Variants in LRP1B observed in about 807,000 individuals in gnomAD.
LRP1B encodes the protein low-density lipoprotein receptor-related protein 1B.
Under a neutral mutation model 556.6 loss-of-function variants are expected in LRP1B, and 217 were observed. The observed-to-expected ratio is 0.39, with a 90% CI of 0.35 to 0.44. The LOEUF (loss-of-function observed/expected upper bound fraction) is 0.44. LRP1B is among the 20% of genes least tolerant of loss of function. The pLI is 1.00. For missense variants in LRP1B, 5,053 were observed against 5,620.8 expected (o/e 0.90, Z 3.23); for synonymous variants, 2,047 against 1,865.8 (o/e 1.10, Z -2.50).
chr2:140,239,402 A>T, intron 88 of LRP1B, 40 bp downstream of exon 88: 1 of 1,315,136 alleles, frequency 7.6e-7, no homozygotes, highest in South Asian at 1.3e-5. Context: ...TAGTTGTGTG[A>T]TTTATTCACT....
chr2:140,410,375 A>G (rs1684921831), intron 66 of LRP1B, among the ~76,000 whole-genome samples: 1 of 151,964 alleles, frequency 6.6e-6, no homozygotes, highest in South Asian at 2.1e-4. Flanking sequence ...TTCTGCTTAC[A>G]GTACATGATT....
At chr2:141,468,063 G>C (rs1682313778) in intron 3 of LRP1B, among the ~76,000 whole-genome samples, 1 of 151,962 alleles carries the variant, frequency 6.6e-6, no homozygotes, top group Non-Finnish European at 1.5e-5. Flanking sequence ...CTTATACATG[G>C]GAAGAAAAGA....
chr2:142,003,848 C>A (rs1189263200), intron 1 of LRP1B, among the ~76,000 whole-genome samples: 5 of 152,212 alleles, frequency 3.3e-5, no homozygotes, highest in African/African-American at 1.2e-4. Context: ...AACATGGGCT[C>A]TGCTCTGGAG....
intron 32 of LRP1B, among the ~76,000 whole-genome samples, chr2:140,798,751 G>A (rs1377651465): frequency 6.6e-6 from 1 of 152,160 alleles, no homozygotes; most frequent in African/African-American, 2.4e-5. Context: ...TGTTTAAAAT[G>A]TCTTCAGACA....
chr2:141,891,808 C>T (rs1361260725), intron 1 of LRP1B, among the ~76,000 whole-genome samples: 1 of 152,012 alleles, frequency 6.6e-6, no homozygotes, highest in Non-Finnish European at 1.5e-5. Context: ...AAAAAGGTCT[C>T]AGTGGATCAA....
intron 3 of LRP1B, among the ~76,000 whole-genome samples, chr2:141,452,560 CA>C (rs887177810): frequency 1.3e-5 from 2 of 152,154 alleles, no homozygotes; most frequent in African/African-American, 2.4e-5. Flanking sequence ...ATGATTTTCT[CA>C]AAAAAGCTAG....
chr2:141,308,975 G>A (rs1316774679), intron 3 of LRP1B, among the ~76,000 whole-genome samples: 1 of 152,012 alleles, frequency 6.6e-6, no homozygotes, highest in Non-Finnish European at 1.5e-5. Flanking sequence ...CAAATAATAA[G>A]GATTAAAAAG....
chr2:141,831,678 T>C (rs546679340), intron 1 of LRP1B, among the ~76,000 whole-genome samples: 1 of 151,834 alleles, frequency 6.6e-6, no homozygotes, highest in South Asian at 2.1e-4. Flanking sequence ...ATTTAAATTT[T>C]CCAAATATCA....
chr2:141,032,822 C>CATATATATATATATATAGATATATATAT (rs1333410760), intron 11 of LRP1B, among the ~76,000 whole-genome samples: 1 of 75,544 alleles, frequency 1.3e-5, no homozygotes, highest in Non-Finnish European at 2.8e-5. Flanking sequence ...TATATATATA[C>CATATATATATATATATAGATATATATAT]ATACATATAT....
intron 2 of LRP1B, among the ~76,000 whole-genome samples, chr2:141,613,322 A>C (rs1688176609): frequency 6.6e-6 from 1 of 152,158 alleles, no homozygotes; most frequent in Non-Finnish European, 1.5e-5. Flanking sequence ...TGGGACCTCT[A>C]GAAAGTGACC....
intron 2 of LRP1B, among the ~76,000 whole-genome samples, chr2:141,670,202 C>T (rs547963322): frequency 2.5e-4 from 38 of 152,234 alleles, no homozygotes; most frequent in Admixed American, 2.2e-3. Flanking sequence ...TCAGCCTCTT[C>T]ATTAGAATTT....
At chr2:140,955,565 T>A (rs1292675853) in intron 18 of LRP1B, among the ~76,000 whole-genome samples, 1 of 151,810 alleles carries the variant, frequency 6.6e-6, no homozygotes, top group Non-Finnish European at 1.5e-5. Flanking sequence ...CTATATTTTA[T>A]CTTGGTAGTT....
intron 6 of LRP1B, among the ~76,000 whole-genome samples, chr2:141,198,615 G>C (rs2105219334): frequency 6.6e-6 from 1 of 152,146 alleles, no homozygotes; most frequent in South Asian, 2.1e-4. Context: ...GGAGGCACAG[G>C]TGACTGGGCT....
At chr2:141,768,569 A>C (rs1163762040) in intron 2 of LRP1B, among the ~76,000 whole-genome samples, 1 of 152,244 alleles carries the variant, frequency 6.6e-6, no homozygotes, top group African/African-American at 2.4e-5. Context: ...AATGGTTACC[A>C]TTTTGCATCC....
intron 7 of LRP1B, among the ~76,000 whole-genome samples, chr2:141,069,518 T>C (rs1420925642): frequency 6.6e-6 from 1 of 152,068 alleles, no homozygotes; most frequent in African/African-American, 2.4e-5. Flanking sequence ...AGAGAAAGGC[T>C]GGTACAACTT....
chr2:141,048,680 C>A (rs917859262), intron 11 of LRP1B, among the ~76,000 whole-genome samples: 2 of 152,122 alleles, frequency 1.3e-5, no homozygotes, highest in South Asian at 4.2e-4. Flanking sequence ...TTCTACCATA[C>A]AGCACTGTAA....
chr2:141,752,693 G>A (rs1694158644), intron 2 of LRP1B, among the ~76,000 whole-genome samples: 1 of 151,536 alleles, frequency 6.6e-6, no homozygotes, highest in Non-Finnish European at 1.5e-5. Flanking sequence ...GTGATGGTAA[G>A]GAGGGTGGGG....
At chr2:141,382,980 G>A (rs575754004) in intron 3 of LRP1B, among the ~76,000 whole-genome samples, 2 of 152,138 alleles carry the variant, frequency 1.3e-5, no homozygotes, top group African/African-American at 2.4e-5. Flanking sequence ...CCTTGCTTCC[G>A]ATAGAGGATC....
At chr2:140,630,514 A>G (rs1683840126) in intron 41 of LRP1B, among the ~76,000 whole-genome samples, 1 of 152,176 alleles carries the variant, frequency 6.6e-6, no homozygotes, top group African/African-American at 2.4e-5. Flanking sequence ...AATGGGAAGG[A>G]GCATTTGAAA....
Sources: gnomAD v4.1 joint callset for allele counts (sites outside exome capture counted in the v4.1 genomes callset) on GRCh38, gnomAD v4.1.1 for gene constraint, MANE v1.5 for transcripts, NCBI Gene and HGNC (gene_info 2026-07-23, HGNC 2026-07-21) for gene names.